The following SLCO1B1 variants were observed in gnomAD, a reference collection of about 807,000 sequenced individuals.
SLCO1B1 encodes the protein solute carrier organic anion transporter family member 1B1, also known as OATP-2.
A neutral mutation model predicts 70.1 loss-of-function variants in SLCO1B1; 81 were observed. The observed-to-expected ratio is 1.16, with a 90% CI of 0.97 to 1.39. The LOEUF (loss-of-function observed/expected upper bound fraction) is 1.39, where lower values mean the gene tolerates loss of function less well. SLCO1B1 is among the 40% of genes most tolerant of loss of function. The probability of loss-of-function intolerance (pLI) is 0.00; values close to 1 mark genes in which losing one functional copy is unlikely to be tolerated. For synonymous variants in SLCO1B1, 283 were observed against 271.5 expected (o/e 1.04, Z -0.42); for missense variants, 895 against 799.6 (o/e 1.12, Z -1.44).
chr12:21,162,422 T>C (rs1033934127), intron 2 of SLCO1B1, among the ~76,000 whole-genome samples: 1 of 152,188 alleles, frequency 6.6e-6, no homozygotes, highest in African/African-American at 2.4e-5. Flanking sequence ...TTATCACGTA[T>C]TTTGCTCTAG....
intron 7 of SLCO1B1, among the ~76,000 whole-genome samples, chr12:21,179,300 A>G (rs1198970847): frequency 6.6e-6 from 1 of 152,110 alleles, no homozygotes; most frequent in Non-Finnish European, 1.5e-5. Flanking sequence ...CTCCCTCCCA[A>G]ACTGACTGTC....
chr12:21,176,984 AAATTT>A, intron 5 of SLCO1B1, 87 bp downstream of exon 5: 1 of 990,738 alleles, frequency 1.0e-6, no homozygotes, highest in South Asian at 1.3e-5. Context: ...TTCATTAGCA[AAATTT>A]AATTAAGAAT....
At position 21,200,494 on chromosome 12, in the gene SLCO1B1, T is replaced by G. The variant is rs1206951599; in HGVS notation, c.971-14T>G. 1 of 1,529,578 alleles carries G rather than the reference T, an allele frequency of 6.5e-7. No homozygotes were observed. The highest frequency in any genetic ancestry group is 1.2e-5 in the South Asian group (1 of 80,700). The allele number at this position is 1,529,578 out of a possible 1,614,324, so 94.8% of individuals were successfully genotyped here. ...TTGCATTCAAATATTTTCTTTATTT[T>G]TACAATTTTACAGGTTTTTTCCAGT... On this transcript the variant is annotated splice_polypyrimidine_tract_variant and intron_variant, in intron 8 of 14. Transcript: ENST00000256958.
intron 7 of SLCO1B1, among the ~76,000 whole-genome samples, chr12:21,194,587 A>T (rs568796977): frequency 3.9e-5 from 6 of 152,230 alleles, no homozygotes; most frequent in African/African-American, 1.2e-4. Flanking sequence ...ATCAGTTTCC[A>T]AGAAGTTTCA....
chr12:21,174,207 G>A (rs1478062592), intron 3 of SLCO1B1, among the ~76,000 whole-genome samples: 1 of 152,100 alleles, frequency 6.6e-6, no homozygotes, highest in East Asian at 1.9e-4. Flanking sequence ...TGAGCTTCAT[G>A]TCAGGTTCAT....
At chr12:21,168,622 A>G (rs1228963085) in intron 2 of SLCO1B1, among the ~76,000 whole-genome samples, 2 of 152,070 alleles carry the variant, frequency 1.3e-5, no homozygotes, top group Admixed American at 6.6e-5. Flanking sequence ...TTTAATTTGC[A>G]TTTCCCTGAT....
intron 7 of SLCO1B1, among the ~76,000 whole-genome samples, chr12:21,180,797 G>C (rs952632023): frequency 6.6e-6 from 1 of 152,126 alleles, no homozygotes; most frequent in African/African-American, 2.4e-5. Flanking sequence ...TTATCACGAA[G>C]AGTACAGAAA....
At chr12:21,163,803 T>C (rs1440802142) in intron 2 of SLCO1B1, among the ~76,000 whole-genome samples, 4 of 152,152 alleles carry the variant, frequency 2.6e-5, no homozygotes, top group Non-Finnish European at 5.9e-5. Flanking sequence ...TCACATTGGG[T>C]TAGGATTTGA....
chr12:21,152,466 T>G (rs991639318), intron 2 of SLCO1B1, among the ~76,000 whole-genome samples: 6 of 143,720 alleles, frequency 4.2e-5, no homozygotes, highest in African/African-American at 1.5e-4. Context: ...CATAATGTAT[T>G]GAGTTTTGTA....
intron 2 of SLCO1B1, among the ~76,000 whole-genome samples, chr12:21,149,769 G>T (rs1940441606): frequency 6.6e-6 from 1 of 152,088 alleles, no homozygotes; most frequent in Middle Eastern, 3.2e-3. Flanking sequence ...CACAAAACTG[G>T]GTGGCTGTTT....
At chr12:21,230,323 CTTTTTTT>C (rs745494878) in intron 14 of SLCO1B1, among the ~76,000 whole-genome samples, 2 of 70,256 alleles carry the variant, frequency 2.8e-5, no homozygotes, top group Non-Finnish European at 5.4e-5. Context: ...CTGTAGTATT[CTTTTTTT>C]TTTTTTTTTT....
intron 2 of SLCO1B1, among the ~76,000 whole-genome samples, chr12:21,142,440 T>A (rs996983955): frequency 3.3e-5 from 5 of 152,020 alleles, no homozygotes; most frequent in African/African-American, 1.2e-4. Context: ...AATCCCCATA[T>A]GGAAGTCTTG....
chr12:21,169,526 G>T (rs2121092728), intron 2 of SLCO1B1, among the ~76,000 whole-genome samples: 1 of 152,066 alleles, frequency 6.6e-6, no homozygotes, highest in South Asian at 2.1e-4. Context: ...GAATTTTTCA[G>T]TTCAGTTACT....
At chr12:21,143,936 C>T (rs559174479) in intron 2 of SLCO1B1, among the ~76,000 whole-genome samples, 2 of 152,182 alleles carry the variant, frequency 1.3e-5, no homozygotes, top group African/African-American at 4.8e-5. Context: ...TATACAGACA[C>T]AGCAGGTGGC....
At chr12:21,168,254 G>C (rs1591806577) in intron 2 of SLCO1B1, among the ~76,000 whole-genome samples, 1 of 152,198 alleles carries the variant, frequency 6.6e-6, no homozygotes, top group Middle Eastern at 3.4e-3. Context: ...TTTTAAGTCT[G>C]CATAATATTC....
intron 12 of SLCO1B1, among the ~76,000 whole-genome samples, chr12:21,219,261 A>C (rs1941394888): frequency 6.6e-6 from 1 of 152,226 alleles, no homozygotes; most frequent in Admixed American, 6.5e-5. Flanking sequence ...GGTGCTTTGG[A>C]AGTCCTTTGA....
rs762634768 is a variant in SLCO1B1 at position 21,196,958 on chromosome 12, T to C, written c.740T>C (p.Ile247Thr). 6 of 1,613,406 alleles carry C rather than the reference T, an allele frequency of 3.7e-6. No individual in the cohort carries two copies. In the African/African-American group the frequency reaches 4.0e-5, roughly 11 times the overall value. ...IGYVDLSTIR[I>T]TPTDSRWVGA... ...TTATTTATTCTAGGCACTATCAGGA[T>C]AACTCCTACTGATTCTCGATGGGTT... is the stretch of plus-strand genomic sequence containing the variant. The change falls in exon 8 of 15, where the codon ATA becomes ACA. Residue 247 changes from isoleucine (I) to threonine (T), a missense_variant. Transcript: ENST00000256958.
At chr12:21,189,945 TA>T (rs1941009893) in intron 7 of SLCO1B1, among the ~76,000 whole-genome samples, 2 of 152,206 alleles carry the variant, frequency 1.3e-5, no homozygotes, top group Admixed American at 6.5e-5. Context: ...TGCTGCATAA[TA>T]AATCTCTGCA....
intron 2 of SLCO1B1, among the ~76,000 whole-genome samples, chr12:21,161,632 G>A (rs1382927329): frequency 1.3e-5 from 2 of 152,068 alleles, no homozygotes; most frequent in African/African-American, 4.8e-5. Context: ...GTGTTTACCT[G>A]TACAATAAAC....
Sources: gnomAD v4.1 joint callset for allele counts (sites outside exome capture counted in the v4.1 genomes callset) on GRCh38, gnomAD v4.1.1 for gene constraint, MANE v1.5 for transcripts, NCBI Gene and HGNC (gene_info 2026-07-23, HGNC 2026-07-21) for gene names.